The following SMAP1 variants were observed in gnomAD, a reference collection of about 807,000 sequenced individuals.
SMAP1 encodes small ArfGAP 1.
Under a neutral mutation model 58.5 loss-of-function variants are expected in SMAP1, and 24 were observed. The ratio of observed to expected loss-of-function variants is 0.41; its 90% CI spans 0.30 to 0.58. The LOEUF is 0.58. Ranked by LOEUF, SMAP1 falls within the 20% of genes least tolerant of loss-of-function variation. The probability of loss-of-function intolerance (pLI) is 0.29; values close to 1 mark genes in which losing one functional copy is unlikely to be tolerated. For synonymous variants in SMAP1, 216 were observed against 196.6 expected, an observed-to-expected ratio of 1.10 and a Z score of -0.82; for missense variants, 563 against 566.3, an observed-to-expected ratio of 0.99 and a Z score of 0.06.
At chr6:70,741,919 G>A (rs1765829769) in intron 2 of SMAP1, among the ~76,000 whole-genome samples, 1 of 152,124 alleles carries the variant, frequency 6.6e-6, no homozygotes, top group Non-Finnish European at 1.5e-5. Flanking sequence ...ACACCCTCTG[G>A]AGCCATGGTC....
intron 4 of SMAP1, among the ~76,000 whole-genome samples, chr6:70,787,254 A>G (rs1243682033): frequency 6.6e-6 from 1 of 152,234 alleles, no homozygotes; most frequent in Non-Finnish European, 1.5e-5. Context: ...ATATGTAGAA[A>G]GCTGAAACTG....
At chr6:70,723,371 A>G (rs544397622) in intron 1 of SMAP1, among the ~76,000 whole-genome samples, 14 of 152,324 alleles carry the variant, frequency 9.2e-5, no homozygotes, top group African/African-American at 3.1e-4. Flanking sequence ...AAGAAGCCAT[A>G]TTGTTCTTCA....
chr6:70,711,803 G>A (rs1271132627), intron 1 of SMAP1, among the ~76,000 whole-genome samples: 6 of 151,970 alleles, frequency 3.9e-5, no homozygotes, highest in African/African-American at 1.5e-4. Context: ...GCTGGGACCC[G>A]CACCTGGCCT....
Position 70,857,984 on chromosome 6 carries a change from T to G in SMAP1, c.1024T>G (p.Phe342Val). ...ACAAGCACCAGCTGCATTTCAGGGC[T>G]TTCCATCGATGGGCGTGCCTGTGCC... ...TSQAPAAFQGFPSMGVPVPAA... is the reference protein window; with the variant it reads ...TSQAPAAFQGVPSMGVPVPAA... Residue 342 changes from phenylalanine (F) to valine (V), a missense_variant, in exon 10 of 11, where the codon TTT becomes GTT. Phe to Val is a conservative substitution (Grantham distance 50, BLOSUM62 -1). Coordinates refer to ENST00000370455, the MANE Select transcript of SMAP1 (RefSeq NM_001044305.3). 6.2e-7 allele frequency: 1 copy of G among 1,614,172 alleles called. No homozygotes were observed. The highest frequency in any genetic ancestry group is 8.5e-7 in the Non-Finnish European group (1 of 1,180,004).
At chr6:70,828,538 C>T (rs993254639) in intron 6 of SMAP1, among the ~76,000 whole-genome samples, 53 of 152,168 alleles carry the variant, frequency 3.5e-4, no homozygotes, top group Non-Finnish European at 4.3e-4. Context: ...TTTTCTTCCT[C>T]ACTGCAGTTC....
chr6:70,784,899 C>G (rs1227021701), intron 4 of SMAP1, among the ~76,000 whole-genome samples: 1 of 152,102 alleles, frequency 6.6e-6, no homozygotes, highest in Non-Finnish European at 1.5e-5. Context: ...ATCAACGAGA[C>G]AGAAAGTTAA....
chr6:70,742,812 G>A (rs1483424040), intron 2 of SMAP1, among the ~76,000 whole-genome samples: 1 of 152,160 alleles, frequency 6.6e-6, no homozygotes, highest in Non-Finnish European at 1.5e-5. Context: ...TCACAATCAT[G>A]GCAGAAGGTG....
chr6:70,818,836 C>T (rs984847723), intron 6 of SMAP1, among the ~76,000 whole-genome samples: 44 of 152,238 alleles, frequency 2.9e-4, no homozygotes, highest in African/African-American at 9.4e-4. Flanking sequence ...AATTTTTCTA[C>T]GATGTTACTT....
In SMAP1 at chr6:70,668,099, A is replaced by G; in HGVS notation, c.76A>G (p.Arg26Gly). The part of the protein sequence containing the change: ...QHQLILSKLL[R>G]EEDNKYCADC... ...CCAGCTCATCCTATCCAAGCTTCTG[A>G]GGGAGGAGGACAACAAGTACTGCGC... The change falls in exon 1 of 11, where the codon AGG becomes GGG. Residue 26 changes from arginine (R) to glycine (G), a missense_variant. By Grantham distance (125) the Arg-to-Gly change is moderately radical. Coordinates refer to ENST00000370455, the MANE Select transcript of SMAP1 (RefSeq NM_001044305.3). The G allele has an allele frequency of 6.2e-7, 1 of 1,604,152 alleles. No individual in the cohort carries two copies. The highest frequency in any genetic ancestry group is 8.5e-7 in the Non-Finnish European group (1 of 1,176,028).
intron 1 of SMAP1, among the ~76,000 whole-genome samples, chr6:70,678,379 C>G (rs1047005415): frequency 1.3e-5 from 2 of 152,130 alleles, no homozygotes; most frequent in African/African-American, 2.4e-5. Context: ...GCTTTATCTT[C>G]CATTATAGGA....
At chr6:70,765,875 C>T (rs1000449239) in intron 3 of SMAP1, among the ~76,000 whole-genome samples, 6 of 151,510 alleles carry the variant, frequency 4.0e-5, no homozygotes, top group African/African-American at 1.5e-4. Context: ...AGGTATATCT[C>T]CTAAAGCTAT....
chr6:70,729,266 C>T (rs1032489713), intron 1 of SMAP1, among the ~76,000 whole-genome samples: 3 of 151,930 alleles, frequency 2.0e-5, no homozygotes, highest in Admixed American at 1.3e-4. Flanking sequence ...GGTGAAACCC[C>T]GTCTCTACTA....
chr6:70,858,259 C>T (rs755073052), intron 10 of SMAP1, 30 bp downstream of exon 10: 10 of 1,382,364 alleles, frequency 7.2e-6, no homozygotes, highest in Middle Eastern at 2.3e-4. Flanking sequence ...TAGCTTCTCC[C>T]AAATCAAACC....
intron 6 of SMAP1, among the ~76,000 whole-genome samples, chr6:70,799,591 A>G (rs1004955052): frequency 4.6e-5 from 7 of 152,220 alleles, no homozygotes; most frequent in African/African-American, 1.7e-4. Flanking sequence ...TTTAAAAATC[A>G]ACTTTATTGA....
In SMAP1 at chr6:70,860,282, G is replaced by C. The variant is rs764290451; in HGVS notation, c.1352G>C (p.Gly451Ala). 2 of 1,613,796 alleles carry C rather than the reference G, an allele frequency of 1.2e-6. No individual in the cohort carries two copies. The highest frequency in any genetic ancestry group is 1.7e-4 in the Middle Eastern group (1 of 6,058). The change falls in exon 11 of 11, where the codon GGA (glycine) becomes GCA (alanine). Residue 451 changes from glycine (G) to alanine (A), a missense_variant. Physicochemically the swap from Gly to Ala is moderately conservative, Grantham distance 60. Coordinates refer to ENST00000370455, the MANE Select transcript of SMAP1 (RefSeq NM_001044305.3). ...GGCCAGCCCTCCAGCACAACAGCAGGATGGTCTGGAAGCTCATCAGGTCAG... is the reference window on the plus strand; with the variant it reads ...GGCCAGCCCTCCAGCACAACAGCAGCATGGTCTGGAAGCTCATCAGGTCAG... ...GFGQPSSTTAGWSGSSSGQTL... is the reference protein window; with the variant it reads ...GFGQPSSTTAAWSGSSSGQTL...
intron 6 of SMAP1, among the ~76,000 whole-genome samples, chr6:70,836,140 T>TTTTCATG (rs1181344466): frequency 6.6e-6 from 1 of 152,050 alleles, no homozygotes; most frequent in Non-Finnish European, 1.5e-5. Flanking sequence ...GATGTATTAG[T>TTTTCATG]CCGTTTTCAT....
At chr6:70,846,161 G>A (rs1270947165) in intron 7 of SMAP1, among the ~76,000 whole-genome samples, 1 of 152,200 alleles carries the variant, frequency 6.6e-6, no homozygotes, top group Non-Finnish European at 1.5e-5. Flanking sequence ...GTAGCCAGGA[G>A]ATTGCTTGTA....
intron 6 of SMAP1, among the ~76,000 whole-genome samples, chr6:70,820,526 G>A (rs1169805344): frequency 6.6e-6 from 1 of 152,050 alleles, no homozygotes; most frequent in East Asian, 1.9e-4. Flanking sequence ...CCTGGCTAAT[G>A]AAACCCCGTC....
Position 70,814,552 on chromosome 6 carries a change from CAGCTCTGTGCTG to C in SMAP1, c.576+15816_576+15827del, listed in dbSNP as rs1285122507. Among the ~76,000 whole-genome samples, 7 of 152,266 alleles carry C rather than the reference CAGCTCTGTGCTG, an allele frequency of 4.6e-5. No individual in the cohort carries two copies. The Middle Eastern group carries it at 0.01, about 222-fold the overall frequency. ...TTTGATCAGATGTCATTAGAGCCTT[CAGCTCTGTGCTG>C]TGTTTTACATCCTATTGTTTCCTTT... On this transcript the variant is annotated intron_variant, in intron 6 of 10. Transcript: ENST00000370455.
Sources: gnomAD v4.1 joint callset for allele counts (sites outside exome capture counted in the v4.1 genomes callset) on GRCh38, gnomAD v4.1.1 for gene constraint, MANE v1.5 for transcripts, NCBI Gene and HGNC (gene_info 2026-07-23, HGNC 2026-07-21) for gene names.